ZNF665: variants seen among roughly 807,000 people sequenced by gnomAD.
ZNF665 encodes zinc finger protein 665.
Under a neutral mutation model 7.9 loss-of-function variants are expected in ZNF665, and 6 were observed. The observed-to-expected ratio is 0.76, with a 90% CI of 0.42 to 1.50. The LOEUF (loss-of-function observed/expected upper bound fraction) is 1.50, where lower values mean the gene tolerates loss of function less well. Ranked by LOEUF, ZNF665 falls within the 40% of genes most tolerant of loss-of-function variation. ZNF665 has a pLI of 0.01. For synonymous variants in ZNF665, 242 were observed against 274.5 expected (o/e 0.88, Z 1.17); for missense variants, 819 against 806.7 (o/e 1.02, Z -0.18).
In ZNF665 at chr19:53,165,982, A is replaced by G. The variant is rs769231648; in HGVS notation, c.508T>C (p.Ser170Pro). 2.3e-5 allele frequency: 37 copies of G among 1,613,516 alleles called. No individual in the cohort carries two copies. Among genetic ancestry groups the G allele is most frequent in the Non-Finnish European group, 3.1e-5 (37 of 1,179,654 alleles). Residue 170 changes from serine (S) to proline (P), a missense_variant, in exon 4 of 4, where the codon TCT becomes CCT. By Grantham distance (74) the Ser-to-Pro change is moderately conservative. Coordinates refer to ENST00000396424, the MANE Select transcript of ZNF665 (RefSeq NM_024733.5). ...TAATGTTTTCCTCGATTATTAGGAGACTTCTCAACTTGATTGTATTCATAA... is the reference window on the plus strand; with the variant it reads ...TAATGTTTTCCTCGATTATTAGGAGGCTTCTCAACTTGATTGTATTCATAA... ...KIYEYNQVEKSPNNRGKHYKC... is the reference protein window; with the variant it reads ...KIYEYNQVEKPPNNRGKHYKC...
rs566497521 is a variant in ZNF665, at chr19:53,189,315, G to A, written c.-46+3997C>T. 1.5e-3 allele frequency among the ~76,000 whole-genome samples: 230 copies of A among 151,900 alleles called. 1 individual carries two copies. The highest frequency in any genetic ancestry group is 5.4e-3 in the African/African-American group (223 of 41,388). On this transcript the variant is annotated intron_variant, in intron 1 of 3. Coordinates refer to ENST00000396424, the MANE Select transcript of ZNF665 (RefSeq NM_024733.5). ...AAGAGATAAAAGAAAAGGCAGCTGC[G>A]CCCGGGGGACCACTACCACCAATGC...
At chr19:53,176,629 A>G (rs899721333) in intron 2 of ZNF665, among the ~76,000 whole-genome samples, 3 of 152,244 alleles carry the variant, frequency 2.0e-5, no homozygotes, top group Non-Finnish European at 2.9e-5. Context: ...GTGAATGGCA[A>G]TGAGGTGGCT....
At chr19:53,190,325 T>C (rs1175302458) in intron 1 of ZNF665, 1 of 152,132 alleles carries the variant, frequency 6.6e-6, no homozygotes, top group Admixed American at 6.6e-5. Flanking sequence ...CCTTTACTGT[T>C]TGAGACAGGA....
chr19:53,165,558 ATTC>A lies in ZNF665; in HGVS notation c.929_931del (p.Arg310del). On this transcript the variant is annotated inframe_deletion, in exon 4 of 4. Transcript: ENST00000396424. ...CTTGTAAGGCTTCTCCCCAGTATGA[ATTC>A]TTCGATGACTTGCAAGGTGTGAATT... 6 of 1,614,128 alleles carry A rather than the reference ATTC, an allele frequency of 3.7e-6. No homozygotes were observed. The highest frequency in any genetic ancestry group is 5.1e-6 in the Non-Finnish European group (6 of 1,180,022).
chr19:53,185,276 A>G (rs2090769634), intron 1 of ZNF665, among the ~76,000 whole-genome samples: 1 of 151,878 alleles, frequency 6.6e-6, no homozygotes, highest in Admixed American at 6.6e-5. Flanking sequence ...CCGCTTGGCA[A>G]CGGACGTCTT....
At chr19:53,184,019 G>A (rs2090758205) in intron 1 of ZNF665, among the ~76,000 whole-genome samples, 1 of 152,170 alleles carries the variant, frequency 6.6e-6, no homozygotes, top group Non-Finnish European at 1.5e-5. Flanking sequence ...GGAGGCAGAG[G>A]TGGGTGGACT....
intron 2 of ZNF665, among the ~76,000 whole-genome samples, chr19:53,176,165 T>C (rs2090696469): frequency 6.6e-6 from 1 of 151,786 alleles, no homozygotes; most frequent in South Asian, 2.1e-4. Flanking sequence ...TGTCTCAAAA[T>C]AAATAAATAA....
intron 3 of ZNF665, among the ~76,000 whole-genome samples, chr19:53,172,686 G>A (rs1286803515): frequency 3.9e-5 from 6 of 151,964 alleles, no homozygotes; most frequent in Admixed American, 6.6e-5. Flanking sequence ...TTAGTCAGGC[G>A]TGGTGGTGCA....
intron 1 of ZNF665, among the ~76,000 whole-genome samples, chr19:53,183,804 G>T (rs903020474): frequency 6.6e-6 from 1 of 152,180 alleles, no homozygotes; most frequent in African/African-American, 2.4e-5. Context: ...CCTGAGGCAG[G>T]AGCAACTTGG....
intron 1 of ZNF665, among the ~76,000 whole-genome samples, chr19:53,185,505 T>C (rs1034874303): frequency 1.3e-5 from 2 of 152,098 alleles, no homozygotes; most frequent in Non-Finnish European, 2.9e-5. Flanking sequence ...TTAATGATAT[T>C]CATATATAAT....
Position 53,164,613 on chromosome 19 carries a change from T to C in ZNF665, c.1877A>G (p.Tyr626Cys). Residue 626 changes from tyrosine to cysteine, a missense_variant, in exon 4 of 4, where the codon TAT becomes TGT. Coordinates refer to ENST00000396424, the MANE Select transcript of ZNF665 (RefSeq NM_024733.5). ...HRRIHTGEKP[Y>C]RCNECGKAFS... ...GGCTTTCCCACACTCATTACACCTATAAGGTTTTTCTCCAGTGTGAATTCT... is the reference window on the plus strand; with the variant it reads ...GGCTTTCCCACACTCATTACACCTACAAGGTTTTTCTCCAGTGTGAATTCT... The C allele has an allele frequency of 6.2e-7, 1 of 1,614,180 alleles. No individual in the cohort carries two copies. Among genetic ancestry groups the C allele is most frequent in the South Asian group, 1.1e-5 (1 of 91,076 alleles).
chr19:53,174,247 G>A (rs1187978123), intron 3 of ZNF665, among the ~76,000 whole-genome samples: 1 of 152,142 alleles, frequency 6.6e-6, no homozygotes, highest in Non-Finnish European at 1.5e-5. Context: ...CCTTTTGAAA[G>A]GGACTAAGAG....
chr19:53,178,382 A>G (rs1407744379), intron 2 of ZNF665, among the ~76,000 whole-genome samples: 1 of 152,284 alleles, frequency 6.6e-6, no homozygotes, highest in African/African-American at 2.4e-5. Context: ...TTTAGATGCT[A>G]CACTGTGGCT....
intron 2 of ZNF665, among the ~76,000 whole-genome samples, chr19:53,177,239 C>T (rs1225084426): frequency 1.3e-5 from 2 of 152,142 alleles, no homozygotes; most frequent in African/African-American, 2.4e-5. Context: ...TATTCTTTTC[C>T]CTAAGAGGTT....
chr19:53,169,514 T>A (rs1263073293), intron 3 of ZNF665, among the ~76,000 whole-genome samples: 1 of 152,150 alleles, frequency 6.6e-6, no homozygotes, highest in Non-Finnish European at 1.5e-5. Context: ...AAAATTTTTT[T>A]AATGGAAATA....
At chr19:53,183,293 C>T (rs2090752236) in intron 1 of ZNF665, among the ~76,000 whole-genome samples, 1 of 152,160 alleles carries the variant, frequency 6.6e-6, no homozygotes, top group Non-Finnish European at 1.5e-5. Flanking sequence ...AGTCCCTCTC[C>T]CCTCTGTGAG....
Position 53,165,031 on chromosome 19 carries a change from T to C in ZNF665, c.1459A>G (p.Lys487Glu). The change falls in exon 4 of 4, where the codon AAG becomes GAG. Residue 487 changes from lysine (K) to glutamate (E), a missense_variant. Transcript: ENST00000396424. ...RGIHSGEKPYKCDECGKAFSQ... is the reference protein window; with the variant it reads ...RGIHSGEKPYECDECGKAFSQ... ...AAGGCTTTACCACATTCATCACACT[T>C]GTAAGGTTTCTCTCCAGAATGAATT... is the stretch of plus-strand genomic sequence containing the variant. 1.2e-6 allele frequency: 2 copies of C among 1,614,206 alleles called. No individual in the cohort carries two copies. Among genetic ancestry groups the C allele is most frequent in the Non-Finnish European group, 1.7e-6 (2 of 1,180,044 alleles).
intron 3 of ZNF665, among the ~76,000 whole-genome samples, chr19:53,171,524 A>AT (rs1215685651): frequency 0.028 from 1,922 of 69,392 alleles, 69 homozygotes; most frequent in African/African-American, 0.053. Context: ...ATATATATAT[A>AT]TTTTTTTTTT....
chr19:53,189,767 C>A (rs965339636), intron 1 of ZNF665, among the ~76,000 whole-genome samples: 4 of 151,164 alleles, frequency 2.6e-5, no homozygotes, highest in African/African-American at 9.7e-5. Context: ...TCTCTAAACT[C>A]CCCCGGGGAA....
Sources: gnomAD v4.1 joint callset for allele counts (sites outside exome capture counted in the v4.1 genomes callset) on GRCh38, gnomAD v4.1.1 for gene constraint, MANE v1.5 for transcripts, NCBI Gene and HGNC (gene_info 2026-07-23, HGNC 2026-07-21) for gene names.